The following GREB1 variants were observed in gnomAD, a reference collection of about 807,000 sequenced individuals.
GREB1 encodes growth regulating estrogen receptor binding 1.
A neutral mutation model predicts 200.7 loss-of-function variants in GREB1; 106 were observed. The ratio of observed to expected loss-of-function variants is 0.53; its 90% CI spans 0.45 to 0.62. The LOEUF (loss-of-function observed/expected upper bound fraction) is 0.62, where lower values mean the gene tolerates loss of function less well. Among genes scored for constraint, GREB1 ranks in the 20% least tolerant of loss-of-function variants. The pLI is 0.00. For missense variants in GREB1, 2,243 were observed against 2,556.8 expected, an observed-to-expected ratio of 0.88 and a Z score of 2.65; for synonymous variants, 1,132 against 1,092.4, an observed-to-expected ratio of 1.04 and a Z score of -0.72.
chr2:11,495,846 G>A (rs937689314), intron 1 of GREB1, among the ~76,000 whole-genome samples: 4 of 146,730 alleles, frequency 2.7e-5, no homozygotes, highest in African/African-American at 1.0e-4. Flanking sequence ...TGCAGAACTC[G>A]ATGAGTGGGG....
chr2:11,635,190 C>T (rs1427480673), intron 29 of GREB1, 80 bp from the exon 30 acceptor site: 7 of 1,558,398 alleles, frequency 4.5e-6, no homozygotes, highest in Middle Eastern at 1.7e-4. Context: ...GATGGGGACC[C>T]ACACTCTAGG....
intron 7 of GREB1, chr2:11,584,906 TG>T: frequency 2.9e-6 from 1 of 341,438 alleles, no homozygotes; most frequent in South Asian, 6.5e-5. Context: ...GGCATCAATA[TG>T]GTGACCTCCC....
In GREB1 at chr2:11,610,671, C is replaced by T; in HGVS notation, c.2667-17C>T. ...GGCGCGGCCGTCACAGACATGGTCTCTCTGTGTTCCTTGCAGGTTCCCCCG... is the reference window on the plus strand; with the variant it reads ...GGCGCGGCCGTCACAGACATGGTCTTTCTGTGTTCCTTGCAGGTTCCCCCG... On this transcript the variant is annotated splice_polypyrimidine_tract_variant and intron_variant, in intron 17 of 32. Transcript: ENST00000381486. The T allele has an allele frequency of 1.3e-6, 2 of 1,582,952 alleles. No individual in the cohort carries two copies. The highest frequency in any genetic ancestry group is 1.7e-6 in the Non-Finnish European group (2 of 1,157,030).
At chr2:11,488,951 T>TA (rs397789090) in intron 1 of GREB1, among the ~76,000 whole-genome samples, 1 of 148,902 alleles carries the variant, frequency 6.7e-6, no homozygotes, top group Non-Finnish European at 1.5e-5. Context: ...TTGTCTGATA[T>TA]TGTCTCCTCC....
intron 1 of GREB1, among the ~76,000 whole-genome samples, chr2:11,483,394 G>A (rs1222177792): frequency 6.6e-6 from 1 of 151,858 alleles, no homozygotes; most frequent in Admixed American, 6.6e-5. Flanking sequence ...GTGAGCCCTC[G>A]GTAGGTGGGA....
chr2:11,537,663 TA>T (rs1674354336), intron 1 of GREB1, among the ~76,000 whole-genome samples: 1 of 146,168 alleles, frequency 6.8e-6, no homozygotes. Context: ...TATAAAAATA[TA>T]AAAATATTTT....
chr2:11,497,593 A>G (rs2148417955), intron 1 of GREB1, among the ~76,000 whole-genome samples: 1 of 151,990 alleles, frequency 6.6e-6, no homozygotes, highest in African/African-American at 2.4e-5. Context: ...CCCACCAGCA[A>G]TGTGTGAGGA....
intron 1 of GREB1, among the ~76,000 whole-genome samples, chr2:11,494,717 G>A (rs1016930193): frequency 6.6e-6 from 1 of 152,190 alleles, no homozygotes; most frequent in Non-Finnish European, 1.5e-5. Context: ...TCCAAGCTCA[G>A]TGACACTTGG....
rs767996348 is a variant in GREB1 at position 11,637,941 on chromosome 2, G to T, written c.5547+25G>T. The T allele has an allele frequency of 5.1e-6, 8 of 1,580,220 alleles. No individual in the cohort carries two copies. In the South Asian group the frequency reaches 8.8e-5, roughly 17 times the overall value. ...GGTGACTTTCAGAGGGGGTGCTGTCGAATCCCTAATTCAGAGAAATCTCTA... is the reference window on the plus strand; with the variant it reads ...GGTGACTTTCAGAGGGGGTGCTGTCTAATCCCTAATTCAGAGAAATCTCTA... On this transcript the variant is annotated intron_variant, in intron 31 of 32. Coordinates refer to ENST00000381486, the MANE Select transcript of GREB1 (RefSeq NM_014668.4).
chr2:11,515,361 G>T (rs13407457), intron 1 of GREB1, among the ~76,000 whole-genome samples: 27,448 of 152,206 alleles, frequency 0.18, 3,192 homozygotes, highest in African/African-American at 0.32. Context: ...AAGTAGGAAA[G>T]AATGAATTAA....
chr2:11,556,803 T>A (rs1447609000), intron 2 of GREB1, 32 bp downstream of exon 2: 15 of 1,585,248 alleles, frequency 9.5e-6, no homozygotes, highest in Admixed American at 1.7e-5. Context: ...TATCTGTGTA[T>A]TTCTTTTATT....
chr2:11,622,091 G>C (rs1436252760), intron 23 of GREB1, among the ~76,000 whole-genome samples: 1 of 151,920 alleles, frequency 6.6e-6, no homozygotes, highest in African/African-American at 2.4e-5. Context: ...CACCAAGACT[G>C]TTTTTTTTAG....
chr2:11,592,758 G>A lies in GREB1; in HGVS notation c.1346-18G>A, dbSNP rs779994016. The A allele has an allele frequency of 1.1e-5, 16 of 1,459,036 alleles. No homozygotes were observed. In the South Asian group the frequency reaches 1.3e-4, roughly 12 times the overall value. The allele number at this position is 1,459,036 out of a possible 1,614,324, so 90.4% of individuals were successfully genotyped here. On this transcript the variant is annotated intron_variant, in intron 10 of 32. Transcript: ENST00000381486. ...CGCTGGCATTTGTGGCAGGCCCTCC[G>A]CCCGCATTGTGTTGCAGCCGCGGAC...
rs571344613 is a variant in GREB1 at position 11,537,517 on chromosome 2, G to C, written c.-162+3263G>C. ...TAACTTGCTCAAGGTCTAATATCCA[G>C]TAAGTGAAGATTCAAACCCAAACCT... On this transcript the variant is annotated intron_variant, in intron 1 of 32. Transcript: ENST00000381486. 2.0e-5 allele frequency among the ~76,000 whole-genome samples: 3 copies of C among 151,714 alleles called. No individual in the cohort carries two copies. The South Asian group carries it at 6.2e-4, about 32-fold the overall frequency.
chr2:11,573,522 A>G (rs1408412299), intron 4 of GREB1, among the ~76,000 whole-genome samples: 1 of 152,142 alleles, frequency 6.6e-6, no homozygotes, highest in Non-Finnish European at 1.5e-5. Context: ...CCTCTTTCTC[A>G]TGAACATTTT....
chr2:11,592,114 C>T lies in GREB1; in HGVS notation c.1346-662C>T, dbSNP rs577831408. Reference sequence around the variant, plus strand: ...CTGTCTATACCACCGTAGTTCCAGTCCTAACTTTCTGAATTCTGTTTAAAG... The same window carrying T: ...CTGTCTATACCACCGTAGTTCCAGTTCTAACTTTCTGAATTCTGTTTAAAG... On this transcript the variant is annotated intron_variant, in intron 10 of 32. Coordinates refer to ENST00000381486, the MANE Select transcript of GREB1 (RefSeq NM_014668.4). The T allele has an allele frequency of 5.0e-5, 49 of 982,468 alleles. No homozygotes were observed. The African/African-American group carries it at 7.9e-4, about 16-fold the overall frequency. The allele number at this position is 982,468 out of a possible 1,614,324, so 60.9% of individuals were successfully genotyped here.
intron 17 of GREB1, among the ~76,000 whole-genome samples, chr2:11,610,353 T>G (rs903703617): frequency 1.3e-5 from 2 of 152,194 alleles, no homozygotes; most frequent in African/African-American, 4.8e-5. Flanking sequence ...CACATTGTGC[T>G]GATAGAGACA....
chr2:11,527,104 T>C lies in GREB1; in HGVS notation c.-158-29353T>C, dbSNP rs151012611. ...TTCAATGTATACATCACTATAGTCA[T>C]GTAAACACTTGGACAGCAGAGCCAT... On this transcript the variant is annotated intron_variant, in intron 1 of 2. Transcript: ENST00000628795. Among the ~76,000 whole-genome samples the C allele has an allele frequency of 5.3e-5, 8 of 152,322 alleles. 1 individual carries two copies. Among genetic ancestry groups the C allele is most frequent in the South Asian group, 2.1e-4 (1 of 4,830 alleles).
rs1002233017 is a variant in GREB1 at position 11,597,122 on chromosome 2, C to T, written c.1955-659C>T. Among the ~76,000 whole-genome samples the T allele has an allele frequency of 4.0e-5, 6 of 151,614 alleles. No homozygotes were observed. Among genetic ancestry groups the T allele is most frequent in the East Asian group, 1.9e-4 (1 of 5,168 alleles). On this transcript the variant is annotated intron_variant, in intron 13 of 32. Transcript: ENST00000381486. This position sits in a 1 kb window ranked among gnomAD's most constrained non-coding sequence, Gnocchi z 4.1. ...AGAGGGCTCATGTGTGCTCGGTGGG[C>T]GATGAGAGGGCACTGGCGAGGGCCT...
Sources: allele counts gnomAD v4.1 joint callset (sites outside exome capture counted in the v4.1 genomes callset), GRCh38; gene constraint gnomAD v4.1.1; non-coding constraint Gnocchi (gnomAD v3.1); transcripts MANE v1.5; gene names NCBI Gene and HGNC (gene_info 2026-07-23, HGNC 2026-07-21).